NSD1: variants seen among roughly 807,000 people sequenced by gnomAD.
The protein encoded by NSD1 is histone-lysine N-methyltransferase, H3 lysine-36 specific.
NSD1 carries 26 observed loss-of-function variants against 242.7 expected under a neutral mutation model. The ratio of observed to expected loss-of-function variants is 0.11; its 90% CI spans 0.08 to 0.15. The LOEUF (loss-of-function observed/expected upper bound fraction) is 0.15, where lower values mean the gene tolerates loss of function less well. Among genes scored for constraint, NSD1 ranks in the 10% least tolerant of loss-of-function variants. The pLI is 1.00. For synonymous variants in NSD1, 1,106 were observed against 1,178.1 expected (o/e 0.94, Z 1.25); for missense variants, 2,495 against 3,272.8 (o/e 0.76, Z 5.80).
intron 2 of NSD1, among the ~76,000 whole-genome samples, chr5:177,184,829 G>A (rs1213629731): frequency 1.3e-5 from 2 of 152,092 alleles, no homozygotes; most frequent in African/African-American, 2.4e-5. Flanking sequence ...GAGCCACCAC[G>A]CCTGGCCTTT....
intron 2 of NSD1, 134 bp from the exon 3 acceptor site, chr5:177,191,750 T>A (rs1761713201): frequency 1.2e-6 from 1 of 854,508 alleles, no homozygotes; most frequent in Non-Finnish European, 1.9e-6. Context: ...ACTTATTTTG[T>A]AATTCTTTTT....
intron 14 of NSD1, chr5:177,266,533 T>TC (rs1206692480): frequency 1.5e-6 from 1 of 663,122 alleles, no homozygotes; most frequent in African/African-American, 1.8e-5. Context: ...CTCGCTGCTT[T>TC]CCGCCTGGCC....
At chr5:177,243,172 G>C (rs1425238281) in intron 8 of NSD1, among the ~76,000 whole-genome samples, 1 of 151,994 alleles carries the variant, frequency 6.6e-6, no homozygotes, top group African/African-American at 2.4e-5. Flanking sequence ...TAGGAAGATG[G>C]GTTATTTTTC....
At chr5:177,149,985 A>T (rs886731836) in intron 2 of NSD1, among the ~76,000 whole-genome samples, 2 of 151,952 alleles carry the variant, frequency 1.3e-5, no homozygotes, top group African/African-American at 4.8e-5. Context: ...CACCCAGGCT[A>T]GAGTGCAATT....
At chr5:177,258,421 CAT>C (rs1756709877) in intron 13 of NSD1, among the ~76,000 whole-genome samples, 1 of 152,002 alleles carries the variant, frequency 6.6e-6, no homozygotes, top group South Asian at 2.1e-4. Flanking sequence ...TCTTCTGCTT[CAT>C]AGTTAAGCTG....
At chr5:177,188,065 T>C (rs1761376073) in intron 2 of NSD1, among the ~76,000 whole-genome samples, 1 of 152,226 alleles carries the variant, frequency 6.6e-6, no homozygotes, top group Admixed American at 6.5e-5. Flanking sequence ...TTACATTTTC[T>C]CTGATCTCTT....
intron 2 of NSD1, among the ~76,000 whole-genome samples, chr5:177,148,147 C>T (rs554233715): frequency 9.3e-5 from 14 of 151,014 alleles, no homozygotes; most frequent in Admixed American, 8.6e-4. Context: ...GAGGGAGTTT[C>T]GATCTTGTTG....
At chr5:177,241,379 C>A (rs1299528506) in intron 8 of NSD1, among the ~76,000 whole-genome samples, 1 of 151,008 alleles carries the variant, frequency 6.6e-6, no homozygotes, top group Non-Finnish European at 1.5e-5. Flanking sequence ...GTGGTACCTG[C>A]GCATAATCCC....
chr5:177,246,786 C>G lies in NSD1; in HGVS notation c.4487C>G (p.Pro1496Arg). 1 of 1,611,080 alleles carries G rather than the reference C, an allele frequency of 6.2e-7. No homozygotes were observed. Among genetic ancestry groups the G allele is most frequent in the Middle Eastern group, 1.7e-4 (1 of 6,058 alleles). ...AATGATGACTCGTCAAAAGAGATTCCAGGCTCAGAGGTATTACTCAGTTCC... is the reference window on the plus strand; with the variant it reads ...AATGATGACTCGTCAAAAGAGATTCGAGGCTCAGAGGTATTACTCAGTTCC... The part of the protein sequence containing the change: ...VKNDDSSKEI[P>R]GSEGELMPHR... Residue 1496 changes from proline to arginine, a missense_variant, in exon 10 of 23, where the codon CCA (proline) becomes CGA (arginine). Pro to Arg is a moderately radical substitution (Grantham distance 103, BLOSUM62 -2). Coordinates refer to ENST00000439151, the MANE Select transcript of NSD1 (RefSeq NM_022455.5).
At chr5:177,183,468 G>A (rs1044381706) in intron 2 of NSD1, among the ~76,000 whole-genome samples, 1 of 151,958 alleles carries the variant, frequency 6.6e-6, no homozygotes, top group Non-Finnish European at 1.5e-5. Flanking sequence ...GCATCATATG[G>A]TCATTCTGTG....
intron 13 of NSD1, 75 bp from the exon 14 acceptor site, chr5:177,259,914 C>G (rs1756850122): frequency 3.9e-6 from 6 of 1,522,594 alleles, no homozygotes; most frequent in Non-Finnish European, 5.4e-6. Flanking sequence ...AACAAATAGA[C>G]TTGAATAACT....
rs770541943 is a variant in NSD1 at position 177,211,520 on chromosome 5, A to G, written c.3121A>G (p.Asn1041Asp). Residue 1041 changes from asparagine to aspartate, a missense_variant, in exon 5 of 23, where the codon AAC (asparagine) becomes GAC (aspartate). Physicochemically the swap from Asn to Asp is conservative, Grantham distance 23. Coordinates refer to ENST00000439151, the MANE Select transcript of NSD1 (RefSeq NM_022455.5). ...TGCTTTTTCAGCCCAAATGGTAAAG[A>G]ACACAGTGAACCGTAAAGCCTTAAA... ...RDAFSAQMVK[N>D]TVNRKALKTE... 14 of 1,614,042 alleles carry G rather than the reference A, an allele frequency of 8.7e-6. No individual in the cohort carries two copies. In the African/African-American group the frequency reaches 9.3e-5, roughly 11 times the overall value.
chr5:177,188,154 CTAAG>C (rs1761385577), intron 2 of NSD1, among the ~76,000 whole-genome samples: 1 of 152,128 alleles, frequency 6.6e-6, no homozygotes, highest in Non-Finnish European at 1.5e-5. Flanking sequence ...TAGGTGTTTA[CTAAG>C]TTTGTGTGTA....
exon 23 of NSD1, chr5:177,300,210 CAT>C: frequency 4.6e-6 from 1 of 218,720 alleles, no homozygotes; most frequent in Admixed American, 5.8e-5. Flanking sequence ...TAACTTTACT[CAT>C]ATATGGCCCT....
chr5:177,186,690 G>A (rs986496980), intron 2 of NSD1, among the ~76,000 whole-genome samples: 2 of 152,174 alleles, frequency 1.3e-5, no homozygotes, highest in Admixed American at 6.6e-5. Flanking sequence ...GTCACTGTCA[G>A]TGAAATAAGG....
chr5:177,225,844 T>C (rs1367754734), intron 5 of NSD1, among the ~76,000 whole-genome samples: 1 of 152,152 alleles, frequency 6.6e-6, no homozygotes, highest in Non-Finnish European at 1.5e-5. Context: ...AGTAAAAATT[T>C]TCCTCCCAAC....
intron 2 of NSD1, among the ~76,000 whole-genome samples, chr5:177,138,493 T>G (rs907205802): frequency 6.6e-6 from 1 of 152,136 alleles, no homozygotes; most frequent in Non-Finnish European, 1.5e-5. Context: ...TGACCTCAGG[T>G]GATCCGCCCA....
chr5:177,213,262 A>G (rs927187934), intron 5 of NSD1, among the ~76,000 whole-genome samples: 1 of 152,230 alleles, frequency 6.6e-6, no homozygotes, highest in Non-Finnish European at 1.5e-5. Context: ...TAAGATTCTC[A>G]AAACTGTGTA....
At chr5:177,252,761 C>T (rs1756098800) in intron 12 of NSD1, among the ~76,000 whole-genome samples, 1 of 150,004 alleles carries the variant, frequency 6.7e-6, no homozygotes, top group Admixed American at 6.6e-5. Context: ...TACTATGTTG[C>T]CCAGGCTGGA....
Sources: gnomAD v4.1 joint callset for allele counts (sites outside exome capture counted in the v4.1 genomes callset) on GRCh38, gnomAD v4.1.1 for gene constraint, MANE v1.5 for transcripts, NCBI Gene and HGNC (gene_info 2026-07-23, HGNC 2026-07-21) for gene names.